CHRM3: variants seen among roughly 807,000 people sequenced by gnomAD.
CHRM3 encodes the protein cholinergic receptor muscarinic 3, also known as muscarinic acetylcholine receptor M3.
CHRM3 carries 11 observed loss-of-function variants against 41.8 expected under a neutral mutation model. That is an observed-to-expected ratio of 0.26 (90% confidence interval 0.17 to 0.44). The LOEUF is 0.44. Among genes scored for constraint, CHRM3 ranks in the 20% least tolerant of loss-of-function variants. The pLI is 1.00. For missense variants in CHRM3, 571 were observed against 745.4 expected (o/e 0.77, Z 2.72); for synonymous variants, 297 against 301.4 (o/e 0.99, Z 0.15).
At chr1:239,601,943 G>T (rs1238754159) in intron 3 of CHRM3, among the ~76,000 whole-genome samples, 2 of 151,392 alleles carry the variant, frequency 1.3e-5, no homozygotes, top group African/African-American at 2.4e-5. Flanking sequence ...CTTTATAAGT[G>T]CCCATAATGT....
chr1:239,712,611 A>G (rs1359012640), intron 5 of CHRM3, among the ~76,000 whole-genome samples: 3 of 152,196 alleles, frequency 2.0e-5, no homozygotes, highest in Non-Finnish European at 2.9e-5. Context: ...TTTAAGCATA[A>G]TGCCGCATTT....
intron 1 of CHRM3, among the ~76,000 whole-genome samples, chr1:239,404,413 A>G (rs1339389298): frequency 2.1e-5 from 1 of 48,632 alleles, no homozygotes; most frequent in African/African-American, 7.8e-5. Flanking sequence ...AGAAAGAAAA[A>G]GAAAGAAAGA....
At chr1:239,545,376 G>T (rs1361049779) in intron 2 of CHRM3, among the ~76,000 whole-genome samples, 2 of 152,072 alleles carry the variant, frequency 1.3e-5, no homozygotes, top group African/African-American at 4.8e-5. Context: ...TACAATGTAC[G>T]CTACTTGGGT....
chr1:239,900,686 A>C (rs1411694509), intron 6 of CHRM3, among the ~76,000 whole-genome samples: 2 of 152,104 alleles, frequency 1.3e-5, no homozygotes, highest in Non-Finnish European at 2.9e-5. Flanking sequence ...TGCTCAGAAG[A>C]GGTATGGCAG....
intron 5 of CHRM3, among the ~76,000 whole-genome samples, chr1:239,768,872 C>G (rs1212523793): frequency 6.6e-6 from 1 of 151,854 alleles, no homozygotes; most frequent in Non-Finnish European, 1.5e-5. Context: ...TCCAGCAATT[C>G]TCCTGCCCCA....
Position 239,910,396 on chromosome 1 carries a change from G to T in CHRM3, c.*1172G>T. On this transcript the variant is annotated 3_prime_UTR_variant, in exon 7 of 7. Coordinates refer to ENST00000676153, the MANE Select transcript of CHRM3 (RefSeq NM_001375978.1). Reference sequence around the variant, plus strand: ...AAGGAGAACATTGTGTTTGATTCTTGCTGAATGGCACCTTCTCAAAGAAAA... The same window carrying T: ...AAGGAGAACATTGTGTTTGATTCTTTCTGAATGGCACCTTCTCAAAGAAAA... The T allele has an allele frequency of 6.1e-6, 1 of 165,266 alleles. No individual in the cohort carries two copies. 10.2% of individuals were successfully genotyped at this position (165,266 alleles called of 1,614,324 possible).
chr1:239,393,630 C>T (rs1228619576), intron 1 of CHRM3, among the ~76,000 whole-genome samples: 2 of 152,164 alleles, frequency 1.3e-5, no homozygotes, highest in East Asian at 1.9e-4. Context: ...TTTCCTTGAG[C>T]GCAGCTATCA....
At chr1:239,745,018 G>A (rs1224992520) in intron 5 of CHRM3, among the ~76,000 whole-genome samples, 1 of 152,088 alleles carries the variant, frequency 6.6e-6, no homozygotes, top group African/African-American at 2.4e-5. Flanking sequence ...GGACAGGGAG[G>A]AGTCAGATGT....
intron 2 of CHRM3, among the ~76,000 whole-genome samples, chr1:239,519,857 C>T (rs575776659): frequency 6.8e-6 from 1 of 146,282 alleles, no homozygotes; most frequent in South Asian, 2.2e-4. Flanking sequence ...ACGCCATTCT[C>T]CTGCCTCAGC....
At chr1:239,809,880 A>G (rs1297189165) in intron 5 of CHRM3, among the ~76,000 whole-genome samples, 1 of 152,142 alleles carries the variant, frequency 6.6e-6, no homozygotes, top group Admixed American at 6.5e-5. Context: ...ATGAAAAGAT[A>G]AGAAAGCCAC....
At chr1:239,506,754 C>T (rs1668598403) in intron 2 of CHRM3, among the ~76,000 whole-genome samples, 1 of 152,190 alleles carries the variant, frequency 6.6e-6, no homozygotes, top group Non-Finnish European at 1.5e-5. Context: ...GCCACAGACA[C>T]TCAATGCCAG....
intron 6 of CHRM3, among the ~76,000 whole-genome samples, chr1:239,887,740 G>A (rs1012766710): frequency 6.6e-6 from 1 of 151,858 alleles, no homozygotes; most frequent in Non-Finnish European, 1.5e-5. Context: ...TTAAAGTGTC[G>A]GTTTCTCAGC....
chr1:239,527,179 C>A (rs1307406632), intron 2 of CHRM3, among the ~76,000 whole-genome samples: 1 of 152,090 alleles, frequency 6.6e-6, no homozygotes, highest in Non-Finnish European at 1.5e-5. Flanking sequence ...ATGCTGTCTC[C>A]TTTAATTTTA....
At chr1:239,809,559 A>G (rs546001156) in intron 5 of CHRM3, among the ~76,000 whole-genome samples, 1 of 151,926 alleles carries the variant, frequency 6.6e-6, no homozygotes, top group Non-Finnish European at 1.5e-5. Context: ...GTGCAGTGAC[A>G]TGATCACAGC....
chr1:239,766,188 A>G (rs1002704699), intron 5 of CHRM3, among the ~76,000 whole-genome samples: 1 of 152,186 alleles, frequency 6.6e-6, no homozygotes, highest in African/African-American at 2.4e-5. Context: ...GCATGTCTAA[A>G]TAACTGAAGC....
chr1:239,909,319 T>A lies in CHRM3; in HGVS notation c.*95T>A, dbSNP rs202155161. The stretch of plus-strand genomic sequence containing the variant: ...AGGGCGGGGTGACTTCTGGTGATGA[T>A]AAAAATGGTTTTATCACCCAGATGT... On this transcript the variant is annotated 3_prime_UTR_variant, in exon 7 of 7. Coordinates refer to ENST00000676153, the MANE Select transcript of CHRM3 (RefSeq NM_001375978.1). The A allele has an allele frequency of 2.8e-4, 375 of 1,324,796 alleles. No homozygotes were observed. Among genetic ancestry groups the A allele is most frequent in the Non-Finnish European group, 1.4e-4 (134 of 972,600 alleles). 82.1% of individuals were successfully genotyped at this position (1,324,796 alleles called of 1,614,324 possible).
At chr1:239,842,850 T>A (rs1160919924) in intron 6 of CHRM3, among the ~76,000 whole-genome samples, 3 of 152,144 alleles carry the variant, frequency 2.0e-5, no homozygotes, top group Admixed American at 6.5e-5. Context: ...ATTCCCATGG[T>A]CACCATCCGG....
intron 6 of CHRM3, among the ~76,000 whole-genome samples, chr1:239,854,031 A>G (rs1045791725): frequency 9.9e-5 from 15 of 152,098 alleles, no homozygotes; most frequent in African/African-American, 3.4e-4. Context: ...GATTTTACCT[A>G]CATCATAGCT....
chr1:239,791,644 CCAAT>C (rs1669359152), intron 5 of CHRM3, among the ~76,000 whole-genome samples: 1 of 152,014 alleles, frequency 6.6e-6, no homozygotes, highest in Admixed American at 6.5e-5. Flanking sequence ...AGATCACAAA[CCAAT>C]CAGAGGGCTC....
Sources: allele counts gnomAD v4.1 joint callset (sites outside exome capture counted in the v4.1 genomes callset), GRCh38; gene constraint gnomAD v4.1.1; transcripts MANE v1.5; gene names NCBI Gene and HGNC (gene_info 2026-07-23, HGNC 2026-07-21).